The following KCTD16 variants were observed in gnomAD, a reference collection of about 807,000 sequenced individuals.
KCTD16 encodes the protein BTB/POZ domain-containing protein KCTD16.
Under a neutral mutation model 33.2 loss-of-function variants are expected in KCTD16, and 13 were observed. That is an observed-to-expected ratio of 0.39 (90% CI 0.25 to 0.62). The LOEUF (loss-of-function observed/expected upper bound fraction) is 0.62, where lower values mean the gene tolerates loss of function less well. Ranked by LOEUF, KCTD16 falls within the 20% of genes least tolerant of loss-of-function variation. The probability of loss-of-function intolerance (pLI) is 0.50; values close to 1 mark genes in which losing one functional copy is unlikely to be tolerated. For missense variants in KCTD16, 441 were observed against 525.1 expected (o/e 0.84, Z 1.57); for synonymous variants, 197 against 195.3 (o/e 1.01, Z -0.07).
chr5:144,462,153 CT>C (rs2126993032), intron 3 of KCTD16, among the ~76,000 whole-genome samples: 1 of 151,974 alleles, frequency 6.6e-6, no homozygotes, highest in South Asian at 2.1e-4. Context: ...TCTTTGCTTC[CT>C]TTACTGTCTC....
chr5:144,180,853 G>A (rs773696091), intron 2 of KCTD16, among the ~76,000 whole-genome samples: 1 of 152,136 alleles, frequency 6.6e-6, no homozygotes, highest in Admixed American at 6.5e-5. Flanking sequence ...GATATTCTGA[G>A]GCATTCTATT....
At chr5:144,422,863 TAGG>T (rs1753241318) in intron 3 of KCTD16, among the ~76,000 whole-genome samples, 1 of 152,130 alleles carries the variant, frequency 6.6e-6, no homozygotes, top group Non-Finnish European at 1.5e-5. Flanking sequence ...ATGTGGATGT[TAGG>T]AGGTGAAAGT....
chr5:144,243,722 C>T (rs1444327099), intron 3 of KCTD16, among the ~76,000 whole-genome samples: 1 of 151,984 alleles, frequency 6.6e-6, no homozygotes, highest in Admixed American at 6.6e-5. Context: ...GAACTTCTGT[C>T]CCCATGAATA....
At chr5:144,305,362 G>C (rs921808969) in intron 3 of KCTD16, among the ~76,000 whole-genome samples, 1 of 152,196 alleles carries the variant, frequency 6.6e-6, no homozygotes, top group African/African-American at 2.4e-5. Flanking sequence ...GAATGTGACT[G>C]TATTTGGAGA....
chr5:144,339,948 G>A (rs1292853066), intron 3 of KCTD16, among the ~76,000 whole-genome samples: 2 of 152,136 alleles, frequency 1.3e-5, no homozygotes, highest in African/African-American at 2.4e-5. Flanking sequence ...GCTTGTCACT[G>A]CTGCCCTTTA....
At chr5:144,459,722 G>A (rs376249522) in intron 3 of KCTD16, among the ~76,000 whole-genome samples, 1 of 150,934 alleles carries the variant, frequency 6.6e-6, no homozygotes, top group African/African-American at 2.4e-5. Flanking sequence ...CAATTTCCTG[G>A]AAAAATCATC....
intron 3 of KCTD16, among the ~76,000 whole-genome samples, chr5:144,397,074 TC>T (rs1752585081): frequency 2.6e-5 from 2 of 78,192 alleles, no homozygotes; most frequent in South Asian, 5.5e-4. Flanking sequence ...CACTCCCCCC[TC>T]CCCCCACCCC....
intron 3 of KCTD16, among the ~76,000 whole-genome samples, chr5:144,336,170 C>T (rs1461683264): frequency 6.6e-6 from 1 of 152,172 alleles, no homozygotes; most frequent in African/African-American, 2.4e-5. Flanking sequence ...AAAATCTGTT[C>T]CTGAGAAGTT....
At chr5:144,427,114 T>C (rs745997021) in intron 3 of KCTD16, among the ~76,000 whole-genome samples, 1 of 152,084 alleles carries the variant, frequency 6.6e-6, no homozygotes, top group Admixed American at 6.6e-5. Context: ...CTGAGTATGA[T>C]TGGTAGCAGA....
At chr5:144,358,749 A>G (rs1363805464) in intron 3 of KCTD16, among the ~76,000 whole-genome samples, 1 of 152,172 alleles carries the variant, frequency 6.6e-6, no homozygotes, top group Non-Finnish European at 1.5e-5. Context: ...GTGAAGACCT[A>G]CTGACTGGTT....
intron 2 of KCTD16, among the ~76,000 whole-genome samples, chr5:144,203,526 G>A (rs1321213346): frequency 6.6e-6 from 1 of 152,138 alleles, no homozygotes; most frequent in African/African-American, 2.4e-5. Context: ...CTGTTCCTCA[G>A]TTCTGCATCT....
intron 3 of KCTD16, among the ~76,000 whole-genome samples, chr5:144,399,056 G>T (rs1241849591): frequency 2.6e-5 from 4 of 152,116 alleles, no homozygotes; most frequent in African/African-American, 9.7e-5. Flanking sequence ...ACACTCATTT[G>T]TATTCTCTTA....
chr5:144,380,312 T>C (rs908103969), intron 3 of KCTD16, among the ~76,000 whole-genome samples: 2 of 152,004 alleles, frequency 1.3e-5, no homozygotes, highest in African/African-American at 4.8e-5. Flanking sequence ...CAATGAGAGT[T>C]ACAAAACACC....
intron 3 of KCTD16, among the ~76,000 whole-genome samples, chr5:144,313,963 T>G (rs1751839635): frequency 6.6e-6 from 1 of 152,190 alleles, no homozygotes; most frequent in African/African-American, 2.4e-5. Context: ...ATTTCTGCAT[T>G]TTGGAGATCA....
chr5:144,420,929 C>G (rs898829929), intron 3 of KCTD16, among the ~76,000 whole-genome samples: 2 of 152,148 alleles, frequency 1.3e-5, no homozygotes, highest in Admixed American at 6.6e-5. Context: ...AAAGTCATCT[C>G]AAAGCCAATA....
At position 144,474,293 on chromosome 5, in the gene KCTD16, G is replaced by A; in HGVS notation, c.*179G>A. On this transcript the variant is annotated 3_prime_UTR_variant, in exon 4 of 4. Coordinates refer to ENST00000512467, the MANE Select transcript of KCTD16 (RefSeq NM_020768.4). ...TTCACCTTAACATGTAAATCCACAG[G>A]GTAGATTTCTTTCTAGATGTGGAAG... 1 of 569,046 alleles carries A rather than the reference G, an allele frequency of 1.8e-6. No individual in the cohort carries two copies. The highest frequency in any genetic ancestry group is 3.4e-5 in the Admixed American group (1 of 29,380). 35.2% of individuals were successfully genotyped at this position (569,046 alleles called of 1,614,324 possible).
intron 3 of KCTD16, among the ~76,000 whole-genome samples, chr5:144,297,566 T>C (rs1202833768): frequency 6.6e-6 from 1 of 152,166 alleles, no homozygotes; most frequent in Non-Finnish European, 1.5e-5. Context: ...TTTCAAGATA[T>C]TCCTACCATA....
At chr5:144,229,098 C>G (rs924001823) in intron 3 of KCTD16, among the ~76,000 whole-genome samples, 1 of 152,170 alleles carries the variant, frequency 6.6e-6, no homozygotes, top group Non-Finnish European at 1.5e-5. Context: ...GTTTATTTTT[C>G]TCCAGCTATG....
Position 144,362,668 on chromosome 5 carries a change from C to T in KCTD16, c.833-110992C>T, listed in dbSNP as rs139235916. 3.8e-3 allele frequency among the ~76,000 whole-genome samples: 575 copies of T among 152,186 alleles called. 3 individuals carry two copies. The highest frequency in any genetic ancestry group is 0.014 in the Middle Eastern group (4 of 294). On this transcript the variant is annotated intron_variant, in intron 3 of 3. Transcript: ENST00000512467. ...ATTGAAGAAAATGATGTGTGAAAAT[C>T]ACCTGGCACCTAGTAAGTACTCCTT... is the stretch of plus-strand genomic sequence containing the variant.
Sources: allele counts gnomAD v4.1 joint callset (sites outside exome capture counted in the v4.1 genomes callset), GRCh38; gene constraint gnomAD v4.1.1; transcripts MANE v1.5; gene names NCBI Gene and HGNC (gene_info 2026-07-23, HGNC 2026-07-21).